The following CNTN5 variants were observed in gnomAD, a reference collection of about 807,000 sequenced individuals.
CNTN5 encodes the protein contactin-5.
CNTN5 carries 77 observed loss-of-function variants against 129.1 expected under a neutral mutation model. The ratio of observed to expected loss-of-function variants is 0.60; its 90% CI spans 0.50 to 0.72. CNTN5 has a LOEUF of 0.72. CNTN5 is among the 30% of genes least tolerant of loss of function. The pLI is 0.00. For missense variants in CNTN5, 1,478 were observed against 1,328.8 expected (o/e 1.11, Z -1.75); for synonymous variants, 509 against 465.6 (o/e 1.09, Z -1.20).
chr11:99,422,974 A>C (rs573772529), intron 2 of CNTN5, among the ~76,000 whole-genome samples: 2 of 152,330 alleles, frequency 1.3e-5, no homozygotes, highest in South Asian at 4.1e-4. Context: ...TAATAGAGGA[A>C]GAAAACATTT....
At chr11:100,268,089 G>C (rs1342708544) in intron 17 of CNTN5, among the ~76,000 whole-genome samples, 1 of 152,152 alleles carries the variant, frequency 6.6e-6, no homozygotes, top group East Asian at 1.9e-4. Context: ...ACCAACTTAA[G>C]AATGGAGTTA....
At chr11:99,832,293 C>T (rs1439885809) in intron 4 of CNTN5, among the ~76,000 whole-genome samples, 1 of 152,040 alleles carries the variant, frequency 6.6e-6, no homozygotes, top group Non-Finnish European at 1.5e-5. Context: ...ATGGCAAATC[C>T]CAACGAGGCA....
At chr11:99,233,763 C>T (rs190802819) in intron 1 of CNTN5, among the ~76,000 whole-genome samples, 79 of 152,062 alleles carry the variant, frequency 5.2e-4, no homozygotes, top group African/African-American at 1.7e-3. Context: ...CTGGCTGACC[C>T]GGTGAAACCC....
chr11:99,239,814 G>A (rs113894102), intron 1 of CNTN5, among the ~76,000 whole-genome samples: 6,008 of 152,070 alleles, frequency 0.04, 405 homozygotes, highest in African/African-American at 0.14. Flanking sequence ...GCGGGCGCCT[G>A]TAGTCCCAGC....
At chr11:99,249,510 A>G (rs1362167712) in intron 1 of CNTN5, among the ~76,000 whole-genome samples, 1 of 152,050 alleles carries the variant, frequency 6.6e-6, no homozygotes, top group Admixed American at 6.6e-5. Context: ...AACAAAGGGA[A>G]AATATATCAA....
intron 10 of CNTN5, among the ~76,000 whole-genome samples, chr11:100,063,921 T>G (rs1943590990): frequency 6.6e-6 from 1 of 152,082 alleles, no homozygotes; most frequent in South Asian, 2.1e-4. Flanking sequence ...TCGGTTATCA[T>G]GTATTCATCC....
Position 99,828,122 on chromosome 11 carries a change from ATAGT to A in CNTN5, c.277+8360_277+8363del, listed in dbSNP as rs138333982. 6.5e-3 allele frequency among the ~76,000 whole-genome samples: 994 copies of A among 152,288 alleles called. 3 individuals carry two copies. The highest frequency in any genetic ancestry group is 7.2e-3 in the Non-Finnish European group (493 of 68,012). The stretch of plus-strand genomic sequence containing the variant: ...CTATTTGAAATAGAATAAAATAATA[ATAGT>A]TATATAGATCTTCAGAGATATGTAC... On this transcript the variant is annotated intron_variant, in intron 4 of 24. Transcript: ENST00000524871.
chr11:99,929,632 C>G (rs923870932), intron 7 of CNTN5, among the ~76,000 whole-genome samples: 6 of 152,076 alleles, frequency 3.9e-5, no homozygotes, highest in African/African-American at 1.4e-4. Context: ...GGGAAAAGCC[C>G]CTTATAAAAC....
At chr11:99,568,164 A>C (rs1360308057) in intron 3 of CNTN5, among the ~76,000 whole-genome samples, 1 of 152,178 alleles carries the variant, frequency 6.6e-6, no homozygotes, top group Non-Finnish European at 1.5e-5. Flanking sequence ...AATGTACATC[A>C]AAAGTGTTTT....
chr11:99,535,939 T>C (rs1947885210), intron 2 of CNTN5, among the ~76,000 whole-genome samples: 1 of 152,140 alleles, frequency 6.6e-6, no homozygotes. Context: ...TTAATTCTGA[T>C]TAGTTTTGTT....
intron 3 of CNTN5, among the ~76,000 whole-genome samples, chr11:99,804,514 C>T (rs1145387): frequency 2.9e-4 from 44 of 151,038 alleles, no homozygotes; most frequent in African/African-American, 7.7e-4. Flanking sequence ...GTCTACAATA[C>T]GGTATAATTT....
intron 1 of CNTN5, among the ~76,000 whole-genome samples, chr11:99,312,597 A>C (rs1004260104): frequency 6.6e-6 from 1 of 152,154 alleles, no homozygotes; most frequent in Non-Finnish European, 1.5e-5. Context: ...CAGTCTCTCT[A>C]TGCCAAATTG....
At chr11:100,200,654 G>T (rs935253632) in intron 15 of CNTN5, among the ~76,000 whole-genome samples, 1 of 151,714 alleles carries the variant, frequency 6.6e-6, no homozygotes, top group Non-Finnish European at 1.5e-5. Context: ...GGAAATATTA[G>T]ATCAATACCT....
intron 1 of CNTN5, among the ~76,000 whole-genome samples, chr11:99,161,587 C>A (rs1011709264): frequency 1.3e-5 from 2 of 152,096 alleles, no homozygotes; most frequent in African/African-American, 4.8e-5. Flanking sequence ...GAAATGAGAC[C>A]AGCTTCCTGA....
chr11:99,384,385 A>G (rs375799970), intron 2 of CNTN5, among the ~76,000 whole-genome samples: 3 of 152,314 alleles, frequency 2.0e-5, no homozygotes, highest in East Asian at 3.9e-4. Flanking sequence ...AGTTTTGCAA[A>G]CACTCTGGAA....
intron 8 of CNTN5, among the ~76,000 whole-genome samples, chr11:99,959,125 C>T (rs1950876694): frequency 6.6e-6 from 1 of 152,078 alleles, no homozygotes; most frequent in South Asian, 2.1e-4. Flanking sequence ...GGCAAAACCC[C>T]AACTCCAGTG....
intron 1 of CNTN5, among the ~76,000 whole-genome samples, chr11:99,034,572 A>G (rs1037366393): frequency 0.011 from 1,606 of 151,302 alleles, 15 homozygotes; most frequent in African/African-American, 0.037. Context: ...TGTTTGTAGT[A>G]TTCTCTGATG....
At chr11:99,071,939 G>A (rs1865355713) in intron 1 of CNTN5, among the ~76,000 whole-genome samples, 1 of 135,524 alleles carries the variant, frequency 7.4e-6, no homozygotes, top group Non-Finnish European at 1.6e-5. Context: ...GCTATTCACT[G>A]GTGAATACAA....
At chr11:100,179,905 A>G (rs1482291856) in intron 13 of CNTN5, among the ~76,000 whole-genome samples, 1 of 152,062 alleles carries the variant, frequency 6.6e-6, no homozygotes, top group Non-Finnish European at 1.5e-5. Flanking sequence ...TAAATATTTA[A>G]TGTGTAGCTT....
Sources: gnomAD v4.1 joint callset for allele counts (sites outside exome capture counted in the v4.1 genomes callset) on GRCh38, gnomAD v4.1.1 for gene constraint, MANE v1.5 for transcripts, NCBI Gene and HGNC (gene_info 2026-07-23, HGNC 2026-07-21) for gene names.